Variants in GRB2 observed in about 807,000 individuals in gnomAD.
GRB2 encodes growth factor receptor bound protein 2.
GRB2 carries 2 observed loss-of-function variants against 27.4 expected under a neutral mutation model. The ratio of observed to expected loss-of-function variants is 0.07; its 90% CI spans 0.03 to 0.23. The LOEUF is 0.23. Among genes scored for constraint, GRB2 ranks in the 10% least tolerant of loss-of-function variants. The probability of loss-of-function intolerance (pLI) is 1.00; values close to 1 mark genes in which losing one functional copy is unlikely to be tolerated. For missense variants in GRB2, 102 were observed against 282.4 expected, an observed-to-expected ratio of 0.36 and a Z score of 4.58; for synonymous variants, 94 against 99.6, an observed-to-expected ratio of 0.94 and a Z score of 0.33.
chr17:75,334,865 T>C (rs940935254), intron 2 of GRB2, among the ~76,000 whole-genome samples: 2 of 152,036 alleles, frequency 1.3e-5, no homozygotes, highest in African/African-American at 4.8e-5. Flanking sequence ...CTTTTTTTTT[T>C]TTTTTTGAGT....
rs1567859947 is a variant in GRB2 at position 75,337,896 on chromosome 17, TACTAC to T, written c.79-5104_79-5100del. ...TTACTACTACTACTACTACTACTAC[TACTAC>T]TATTATTATTATTATTATTATTATT... On this transcript the variant is annotated intron_variant, in intron 2 of 5. Coordinates refer to ENST00000316804, the MANE Select transcript of GRB2 (RefSeq NM_002086.5). Among the ~76,000 whole-genome samples, 373 of 129,064 alleles carry T rather than the reference TACTAC, an allele frequency of 2.9e-3. 3 individuals are homozygous for T. Among genetic ancestry groups the T allele is most frequent in the South Asian group, 0.016 (62 of 3,876 alleles). 84.7% of individuals were successfully genotyped at this position (129,064 alleles called of 152,430 possible).
In GRB2 at chr17:75,393,667, G is replaced by T; in HGVS notation, c.-39C>A. ...CAGTGCTCAGCAGCCTGAAGCAGGG[G>T]GAAGGGAGTCTTCCCTGCTGAAGCA... On this transcript the variant is annotated 5_prime_UTR_variant, in exon 2 of 6. Transcript: ENST00000316804. 1 of 1,545,054 alleles carries T rather than the reference G, an allele frequency of 6.5e-7. No individual in the cohort carries two copies. Among genetic ancestry groups the T allele is most frequent in the Non-Finnish European group, 8.9e-7 (1 of 1,117,534 alleles).
chr17:75,383,271 A>G (rs2078941463), intron 2 of GRB2, among the ~76,000 whole-genome samples: 1 of 152,202 alleles, frequency 6.6e-6, no homozygotes, highest in South Asian at 2.1e-4. Context: ...GACACAGCAT[A>G]GGTATCCATC....
chr17:75,327,731 C>T (rs2078509441), intron 3 of GRB2, among the ~76,000 whole-genome samples: 1 of 152,140 alleles, frequency 6.6e-6, no homozygotes, highest in Non-Finnish European at 1.5e-5. Context: ...ATATACTATA[C>T]TCAAATTCAA....
At chr17:75,351,998 G>C (rs1170455892) in intron 2 of GRB2, among the ~76,000 whole-genome samples, 1 of 152,180 alleles carries the variant, frequency 6.6e-6, no homozygotes, top group Non-Finnish European at 1.5e-5. Flanking sequence ...TGGACATCAG[G>C]GTTCAGGATA....
chr17:75,356,608 T>C (rs962850939), intron 2 of GRB2, among the ~76,000 whole-genome samples: 1 of 152,180 alleles, frequency 6.6e-6, no homozygotes, highest in African/African-American at 2.4e-5. Context: ...CTTGTGCAGC[T>C]TTCCCTGTGC....
intron 2 of GRB2, among the ~76,000 whole-genome samples, chr17:75,365,730 A>G (rs889568083): frequency 6.6e-6 from 1 of 152,222 alleles, no homozygotes; most frequent in Non-Finnish European, 1.5e-5. Flanking sequence ...ACAATGAGTC[A>G]TTAAAAGATA....
At chr17:75,397,663 C>T (rs1417717224) in intron 1 of GRB2, among the ~76,000 whole-genome samples, 7 of 152,066 alleles carry the variant, frequency 4.6e-5, no homozygotes, top group Non-Finnish European at 1.5e-5. Context: ...CTTACAGCTA[C>T]AGTTGTGGGC....
At chr17:75,331,448 G>A (rs1292870698) in intron 3 of GRB2, among the ~76,000 whole-genome samples, 2 of 152,192 alleles carry the variant, frequency 1.3e-5, no homozygotes, top group African/African-American at 4.8e-5. Flanking sequence ...TTCCTCAACA[G>A]TCAGATTTAA....
chr17:75,323,794 T>C (rs1381984480), intron 4 of GRB2, among the ~76,000 whole-genome samples: 1 of 148,894 alleles, frequency 6.7e-6, no homozygotes, highest in African/African-American at 2.6e-5. Flanking sequence ...GTGTCACACA[T>C]GTTTTTCTTT....
intron 2 of GRB2, among the ~76,000 whole-genome samples, chr17:75,334,515 A>C (rs1441820321): frequency 3.9e-5 from 6 of 151,926 alleles, no homozygotes; most frequent in Admixed American, 3.9e-4. Context: ...CCTGGACTCA[A>C]GGGATTCTCC....
At chr17:75,386,913 C>T (rs1001064075) in intron 2 of GRB2, among the ~76,000 whole-genome samples, 10 of 151,844 alleles carry the variant, frequency 6.6e-5, no homozygotes, top group Non-Finnish European at 8.8e-5. Flanking sequence ...CGGTGGCTCA[C>T]GCCTGTAACC....
At chr17:75,393,312 G>A in intron 2 of GRB2, 1 of 561,176 alleles carries the variant, frequency 1.8e-6, no homozygotes, top group Non-Finnish European at 3.2e-6. Flanking sequence ...AATATTACCA[G>A]TATCAACAGA....
At chr17:75,324,371 T>A (rs2078481789) in intron 4 of GRB2, among the ~76,000 whole-genome samples, 1 of 148,478 alleles carries the variant, frequency 6.7e-6, no homozygotes. Context: ...TTTGTATTTT[T>A]TTTTTTTTTT....
chr17:75,342,484 G>A (rs1451036110), intron 2 of GRB2, among the ~76,000 whole-genome samples: 1 of 152,024 alleles, frequency 6.6e-6, no homozygotes, highest in Admixed American at 6.6e-5. Flanking sequence ...TGCCCCGGCT[G>A]TTCTCCAATT....
chr17:75,383,098 A>G (rs958053182), intron 2 of GRB2, among the ~76,000 whole-genome samples: 1 of 152,170 alleles, frequency 6.6e-6, no homozygotes, highest in East Asian at 1.9e-4. Flanking sequence ...ATGGCTTCTC[A>G]CTGAGGGCAG....
Position 75,319,901 on chromosome 17 carries a change from C to T in GRB2, c.*467G>A. 6.4e-6 allele frequency: 1 copy of T among 157,010 alleles called. No homozygotes were observed. The highest frequency in any genetic ancestry group is 1.4e-5 in the Non-Finnish European group (1 of 70,742). 9.7% of individuals were successfully genotyped at this position (157,010 alleles called of 1,614,324 possible). ...GCTAAACAGCAAAGGCATCGAGCGG[C>T]CCTGCCCGCTCCTTTTTGTGTGTAT... On this transcript the variant is annotated 3_prime_UTR_variant, in exon 6 of 6. Transcript: ENST00000316804.
At chr17:75,369,326 A>G (rs2078840648) in intron 2 of GRB2, among the ~76,000 whole-genome samples, 1 of 152,226 alleles carries the variant, frequency 6.6e-6, no homozygotes, top group Admixed American at 6.5e-5. Context: ...AATGATTTTA[A>G]GCTGGAACAG....
At chr17:75,346,121 G>A (rs887960975) in intron 2 of GRB2, among the ~76,000 whole-genome samples, 3 of 151,074 alleles carry the variant, frequency 2.0e-5, no homozygotes, top group Non-Finnish European at 4.4e-5. Context: ...AAAAGGACTT[G>A]GTGATGAGAT....
Sources: allele counts gnomAD v4.1 joint callset (sites outside exome capture counted in the v4.1 genomes callset), GRCh38; gene constraint gnomAD v4.1.1; transcripts MANE v1.5; gene names NCBI Gene and HGNC (gene_info 2026-07-23, HGNC 2026-07-21).